Variants in PI4K2A observed in about 807,000 individuals in gnomAD.
The protein encoded by PI4K2A is phosphatidylinositol 4-kinase type 2-alpha.
A neutral mutation model predicts 55.0 loss-of-function variants in PI4K2A; 20 were observed. That is an observed-to-expected ratio of 0.36 (90% CI 0.26 to 0.53). PI4K2A has a LOEUF of 0.53. PI4K2A is among the 20% of genes least tolerant of loss of function. The pLI, the probability that PI4K2A is intolerant of heterozygous loss-of-function variation, is 0.91. For synonymous variants in PI4K2A, 235 were observed against 258.5 expected, an observed-to-expected ratio of 0.91 and a Z score of 0.87; for missense variants, 463 against 637.1, an observed-to-expected ratio of 0.73 and a Z score of 2.94.
At chr10:97,646,298 TCTGCCTC>T (rs747977931) in intron 1 of PI4K2A, among the ~76,000 whole-genome samples, 1 of 150,542 alleles carries the variant, frequency 6.6e-6, no homozygotes, top group Non-Finnish European at 1.5e-5. Flanking sequence ...CACTGCAACC[TCTGCCTC>T]CTGGGTTCAA....
chr10:97,640,875 G>GGCCCCTCTCCGCCGGGCTCGC, exon 1 of PI4K2A: 2 of 1,311,888 alleles, frequency 1.5e-6, no homozygotes, highest in Non-Finnish European at 9.7e-7. Flanking sequence ...GGCCGGCTCG[G>GGCCCCTCTCCGCCGGGCTCGC]GCCCCTCTCC....
exon 9 of PI4K2A, chr10:97,675,189 G>A (rs1396558763): frequency 6.6e-6 from 1 of 152,634 alleles, no homozygotes; most frequent in Non-Finnish European, 1.5e-5. Flanking sequence ...TATCTTGAAG[G>A]TTTGAAAAAC....
chr10:97,647,108 T>C (rs1217693132), intron 1 of PI4K2A, among the ~76,000 whole-genome samples: 1 of 152,160 alleles, frequency 6.6e-6, no homozygotes, highest in Non-Finnish European at 1.5e-5. Flanking sequence ...TTGTGGGTTC[T>C]GACACCAGCT....
At chr10:97,646,048 T>G (rs2041503476) in intron 1 of PI4K2A, among the ~76,000 whole-genome samples, 1 of 152,070 alleles carries the variant, frequency 6.6e-6, no homozygotes, top group African/African-American at 2.4e-5. Flanking sequence ...TCAAAATTAT[T>G]TTCATCATAA....
In PI4K2A at chr10:97,649,790, A is replaced by C. The variant is rs1428778932; in HGVS notation, c.436-1151A>C. ...AGGTGCATGCCACCATGCCCAGCTAATTTTTGTATTTTTAGTAGAGACAGG... is the reference window on the plus strand; with the variant it reads ...AGGTGCATGCCACCATGCCCAGCTACTTTTTGTATTTTTAGTAGAGACAGG... On this transcript the variant is annotated intron_variant, in intron 1 of 8. Coordinates refer to ENST00000370631, the Ensembl canonical transcript of PI4K2A. Among the ~76,000 whole-genome samples the C allele has an allele frequency of 5.3e-5, 8 of 150,064 alleles. No homozygotes were observed. In the East Asian group the frequency reaches 1.4e-3, roughly 26 times the overall value.
intron 5 of PI4K2A, among the ~76,000 whole-genome samples, chr10:97,663,593 A>AGGT (rs2041596761): frequency 6.7e-6 from 1 of 149,884 alleles, no homozygotes; most frequent in African/African-American, 2.5e-5. Context: ...TGGGAGGCCG[A>AGGT]GGTGGGAGGA....
In PI4K2A at chr10:97,642,912, CCTTCCTTCCTTCCTTT is replaced by C. The variant is rs1589930548; in HGVS notation, c.435+1739_435+1754del. 1.2e-4 allele frequency among the ~76,000 whole-genome samples: 17 copies of C among 136,012 alleles called. 1 individual carries two copies. In the South Asian group the frequency reaches 2.6e-3, roughly 21 times the overall value. The allele number at this position is 136,012 out of a possible 152,430, so 89.2% of individuals were successfully genotyped here. On this transcript the variant is annotated intron_variant, in intron 1 of 8. Transcript: ENST00000370631. The stretch of plus-strand genomic sequence containing the variant: ...TCCTTCCTTCCTTCCTTCCTTCCTT[CCTTCCTTCCTTCCTTT>C]CTTTCCTTTCTTTCTTTCTCTTTCT...
chr10:97,675,660 A>G (rs766487371), exon 9 of PI4K2A: 1 of 147,900 alleles, frequency 6.8e-6, no homozygotes, highest in Non-Finnish European at 1.5e-5. Context: ...CAGCCTCCAC[A>G]CCAGATCTCC....
rs190964294 is a variant in PI4K2A at position 97,670,005 on chromosome 10, C to A, written c.1278+2885C>A. ...CACTGCAGCTTTGAACTCCTAGGTT[C>A]AAGAAGTCCTCCCCCCTCAGCCTCC... is the stretch of plus-strand genomic sequence containing the variant. On this transcript the variant is annotated intron_variant, in intron 8 of 8. Transcript: ENST00000370631. 7.5e-3 allele frequency among the ~76,000 whole-genome samples: 1,147 copies of A among 152,222 alleles called. 7 individuals are homozygous for A. Among genetic ancestry groups the A allele is most frequent in the Middle Eastern group, 0.034 (10 of 294 alleles).
intron 5 of PI4K2A, among the ~76,000 whole-genome samples, chr10:97,664,265 A>G (rs1329587703): frequency 6.6e-6 from 1 of 152,230 alleles, no homozygotes; most frequent in Non-Finnish European, 1.5e-5. Flanking sequence ...GATGGCACCC[A>G]TGAACCTGAA....
rs545167787 is a variant in PI4K2A at position 97,663,870 on chromosome 10, G to A, written c.984+902G>A. Among the ~76,000 whole-genome samples, 34 of 148,464 alleles carry A rather than the reference G, an allele frequency of 2.3e-4. No individual in the cohort carries two copies. The South Asian group carries it at 3.7e-3, about 16-fold the overall frequency. On this transcript the variant is annotated intron_variant, in intron 5 of 8. Transcript: ENST00000370631. ...AAGAGACAGGGTCTTGCTCTGTTGC[G>A]CAGGCTGGAGTACAGTGGTGCTATC...
chr10:97,662,330 A>G (rs908489021), intron 4 of PI4K2A, among the ~76,000 whole-genome samples: 3 of 152,166 alleles, frequency 2.0e-5, no homozygotes, highest in African/African-American at 7.2e-5. Context: ...ATTGTCAAAT[A>G]CTGCCTATCA....
intron 1 of PI4K2A, among the ~76,000 whole-genome samples, chr10:97,642,838 C>CTTT (rs1564772224): frequency 0.024 from 90 of 3,736 alleles, 5 homozygotes; most frequent in African/African-American, 0.046. Context: ...TTCCTTCCTT[C>CTTT]CTTCCTTCCT....
chr10:97,664,383 A>T (rs1184591043), intron 5 of PI4K2A, among the ~76,000 whole-genome samples: 1 of 152,170 alleles, frequency 6.6e-6, no homozygotes, highest in East Asian at 1.9e-4. Context: ...TGCACCACTG[A>T]AGCAGGAGAA....
chr10:97,644,404 G>A, intron 1 of PI4K2A, among the ~76,000 whole-genome samples: 1 of 152,066 alleles, frequency 6.6e-6, no homozygotes, highest in South Asian at 2.1e-4. Context: ...CTACTATATT[G>A]GTTAGTATTG....
rs71007356 is a variant in PI4K2A at position 97,650,278 on chromosome 10, C to CTTTTTT, written c.436-652_436-647dup. ...TCTACCACTGAATTGGCTTCTGTACCTTTTTTTTTTTTTTTTGTGAGACAG... is the reference window on the plus strand; with the variant it reads ...TCTACCACTGAATTGGCTTCTGTACCTTTTTTTTTTTTTTTTTTTTTTGTGAGACAG... On this transcript the variant is annotated intron_variant, in intron 1 of 8. Transcript: ENST00000370631. Among the ~76,000 whole-genome samples, 125 of 108,050 alleles carry CTTTTTT rather than the reference C, an allele frequency of 1.2e-3. 6 individuals carry two copies. Among genetic ancestry groups the CTTTTTT allele is most frequent in the South Asian group, 0.01 (32 of 3,164 alleles). 70.9% of individuals were successfully genotyped at this position (108,050 alleles called of 152,430 possible).
Position 97,644,971 on chromosome 10 carries a change from AG to A in PI4K2A, c.435+3795del, listed in dbSNP as rs2041498125. On this transcript the variant is annotated intron_variant, in intron 1 of 8. Transcript: ENST00000370631. ...CTCAATTTTGGATGGTTTCTGTCTC[AG>A]TGGGGTCCAAGAACAGATGGAAAAT... Among the ~76,000 whole-genome samples, 3 of 152,236 alleles carry A rather than the reference AG, an allele frequency of 2.0e-5. No homozygotes were observed. The South Asian group carries it at 6.2e-4, about 32-fold the overall frequency.
At chr10:97,662,870 C>T in intron 4 of PI4K2A, 37 bp from the exon 5 acceptor site, 1 of 1,406,072 alleles carries the variant, frequency 7.1e-7, no homozygotes, top group Non-Finnish European at 1.0e-6. Flanking sequence ...GAAAATCATC[C>T]CCCCTTTTTC....
chr10:97,644,582 C>T (rs1393254027), intron 1 of PI4K2A, among the ~76,000 whole-genome samples: 1 of 152,176 alleles, frequency 6.6e-6, no homozygotes, highest in Non-Finnish European at 1.5e-5. Context: ...GCTGATCAGC[C>T]ATCTTTAGGA....
Sources: gnomAD v4.1 joint callset for allele counts (sites outside exome capture counted in the v4.1 genomes callset) on GRCh38, gnomAD v4.1.1 for gene constraint, MANE v1.5 for transcripts, NCBI Gene and HGNC (gene_info 2026-07-23, HGNC 2026-07-21) for gene names.